Variants in ASB14 observed in about 807,000 individuals in gnomAD.
ASB14 encodes the protein ankyrin repeat and SOCS box containing 14, also known as ankyrin repeat and SOCS box protein 14.
Under a neutral mutation model 55.6 loss-of-function variants are expected in ASB14, and 63 were observed. The ratio of observed to expected loss-of-function variants is 1.13; its 90% confidence interval spans 0.92 to 1.40. The LOEUF (loss-of-function observed/expected upper bound fraction) is 1.40, where lower values mean the gene tolerates loss of function less well. Ranked by LOEUF, ASB14 falls within the 40% of genes most tolerant of loss-of-function variation. The pLI, the probability that ASB14 is intolerant of heterozygous loss-of-function variation, is 0.00. For synonymous variants in ASB14, 256 were observed against 259.9 expected (o/e 0.98, Z 0.15); for missense variants, 724 against 710.4 (o/e 1.02, Z -0.22).
Position 57,289,050 on chromosome 3 carries a change from G to A in ASB14, c.178+18C>T, listed in dbSNP as rs1379203857. 1.3e-6 allele frequency: 2 copies of A among 1,487,422 alleles called. No homozygotes were observed. The allele number at this position is 1,487,422 out of a possible 1,614,324, so 92.1% of individuals were successfully genotyped here. On this transcript the variant is annotated intron_variant, in intron 3 of 10. Coordinates refer to ENST00000487349, the MANE Select transcript of ASB14 (RefSeq NM_001142733.3). ...CCGTCACATCTTACCACAAGTTAAA[G>A]GGGATAGGAGTACTTAACTTTCTCT...
At position 57,292,039 on chromosome 3, in the gene ASB14, A is replaced by C; in HGVS notation, c.-6T>G. ...TCGCTGGTGTAATTATCCATGTGAA[A>C]CGTGGACAGGTTTACTTTAAAGTCA... On this transcript the variant is annotated 5_prime_UTR_variant, in exon 2 of 11. Transcript: ENST00000487349. 1 of 1,534,530 alleles carries C rather than the reference A, an allele frequency of 6.5e-7. No individual in the cohort carries two copies. The highest frequency in any genetic ancestry group is 8.7e-7 in the Non-Finnish European group (1 of 1,144,850).
Position 57,278,399 on chromosome 3 carries a change from G to C in ASB14, c.1409C>G (p.Ser470Cys), listed in dbSNP as rs761012773. ...TACCTTAGTATCTTTGATAACTGTA[G>C]ATGTCCAGCCTTCAACAGTATAGGA... is the stretch of plus-strand genomic sequence containing the variant. Reference protein sequence around the residue: ...HPSYTVEGWTSTVIKDTKFCE... With the variant: ...HPSYTVEGWTCTVIKDTKFCE... The change falls in exon 8 of 11, where the codon TCT becomes TGT. Residue 470 changes from serine (S) to cysteine (C), a missense_variant. Transcript: ENST00000487349. The C allele has an allele frequency of 6.2e-7, 1 of 1,613,832 alleles. No homozygotes were observed. Among genetic ancestry groups the C allele is most frequent in the Non-Finnish European group, 8.5e-7 (1 of 1,179,754 alleles).
chr3:57,271,459 T>C (rs2060939383), intron 10 of ASB14: 1 of 152,502 alleles, frequency 6.6e-6, no homozygotes, highest in Non-Finnish European at 1.5e-5. Context: ...TTTGTTAAAG[T>C]TGGAATTTAT....
chr3:57,274,350 T>C (rs2060970231), intron 10 of ASB14, among the ~76,000 whole-genome samples: 1 of 152,224 alleles, frequency 6.6e-6, no homozygotes, highest in Admixed American at 6.5e-5. Flanking sequence ...TGAATGAATG[T>C]CTTTTTCAGT....
At position 57,279,274 on chromosome 3, in the gene ASB14, T is replaced by A. The variant is rs896120901; in HGVS notation, c.888-354A>T. Among the ~76,000 whole-genome samples, 87 of 138,640 alleles carry A rather than the reference T, an allele frequency of 6.3e-4. 1 individual carries two copies. Among genetic ancestry groups the A allele is most frequent in the East Asian group, 3.3e-3 (16 of 4,836 alleles). 91.0% of individuals were successfully genotyped at this position (138,640 alleles called of 152,430 possible). The stretch of plus-strand genomic sequence containing the variant: ...TGGTCAAGAGTTTTTCTTTTTTTTT[T>A]TTTTTTTTTTTTTTTTTTGAGACGG... On this transcript the variant is annotated intron_variant, in intron 7 of 10. Transcript: ENST00000487349.
chr3:57,291,792 T>C, intron 2 of ASB14, 120 bp downstream of exon 2: 1 of 794,398 alleles, frequency 1.3e-6, no homozygotes, highest in African/African-American at 1.8e-5. Flanking sequence ...GATATTTAAT[T>C]GACAGCTCCT....
intron 6 of ASB14, 70 bp downstream of exon 6, chr3:57,283,124 C>T: frequency 6.7e-7 from 1 of 1,503,378 alleles, no homozygotes; most frequent in East Asian, 2.5e-5. Context: ...TTTTGAAGCT[C>T]TCCATTAAGA....
At chr3:57,276,757 A>AG in intron 9 of ASB14, 29 bp from the exon 10 acceptor site, 1 of 1,576,084 alleles carries the variant, frequency 6.3e-7, no homozygotes, top group South Asian at 1.2e-5. Flanking sequence ...TTATCCAAAG[A>AG]GAAAAAGAAC....
At chr3:57,271,270 A>G (rs1373949956) in intron 10 of ASB14, 1 of 152,586 alleles carries the variant, frequency 6.6e-6, no homozygotes, top group Non-Finnish European at 1.5e-5. Context: ...ATAATGATAT[A>G]TAGGATCATG....
At chr3:57,284,382 A>G (rs1010343645) in intron 5 of ASB14, among the ~76,000 whole-genome samples, 1 of 152,168 alleles carries the variant, frequency 6.6e-6, no homozygotes, top group Admixed American at 6.5e-5. Context: ...TTCCTGCCTC[A>G]GCCTCCCAAA....
In ASB14 at chr3:57,278,889, G is replaced by C. The variant is rs781778401; in HGVS notation, c.919C>G (p.Leu307Val). The C allele has an allele frequency of 1.2e-6, 2 of 1,613,442 alleles. No homozygotes were observed. The highest frequency in any genetic ancestry group is 1.7e-6 in the Non-Finnish European group (2 of 1,179,860). Residue 307 changes from leucine (L) to valine (V), a missense_variant, in exon 8 of 11, where the codon CTT becomes GTT. By Grantham distance (32) the Leu-to-Val change is conservative. Transcript: ENST00000487349. ...ALKILIPVTD[L>V]AAIKQSGISP... ...ATCCCACTCTGCTTAATGGCAGCAA[G>C]ATCCGTAACTGGAATCAGTATCTTT...
At position 57,277,997 on chromosome 3, in the gene ASB14, G is replaced by T; in HGVS notation, c.1432-77C>A. Reference sequence around the variant, plus strand: ...CTATGGTTTAGCATAGTAGTCAAAGGAGATGTGGTGTGATGAAAGCCAAGA... The same window carrying T: ...CTATGGTTTAGCATAGTAGTCAAAGTAGATGTGGTGTGATGAAAGCCAAGA... On this transcript the variant is annotated intron_variant, in intron 8 of 10. Coordinates refer to ENST00000487349, the MANE Select transcript of ASB14 (RefSeq NM_001142733.3). 4.5e-6 allele frequency: 6 copies of T among 1,335,876 alleles called. 2 individuals are homozygous for T. The South Asian group carries it at 7.2e-5, about 16-fold the overall frequency. The allele number at this position is 1,335,876 out of a possible 1,614,324, so 82.8% of individuals were successfully genotyped here.
chr3:57,286,411 C>T (rs574921569), intron 5 of ASB14, among the ~76,000 whole-genome samples: 1 of 140,908 alleles, frequency 7.1e-6, no homozygotes, highest in East Asian at 1.9e-4. Context: ...CTACATGTTA[C>T]ATTTTAAAGA....
chr3:57,272,103 C>T (rs1431152786), intron 10 of ASB14: 2 of 152,152 alleles, frequency 1.3e-5, no homozygotes, highest in Admixed American at 6.5e-5. Flanking sequence ...TTCAGACTTA[C>T]ACTTAATGGT....
At chr3:57,280,644 A>G (rs1464106346) in intron 6 of ASB14, among the ~76,000 whole-genome samples, 171 bp from the exon 7 acceptor site, 2 of 152,234 alleles carry the variant, frequency 1.3e-5, no homozygotes, top group Non-Finnish European at 2.9e-5. Flanking sequence ...AGTAACTTAT[A>G]AACTAGTTGG....
chr3:57,273,412 TAGA>T (rs916015914), intron 10 of ASB14: 2 of 152,650 alleles, frequency 1.3e-5, no homozygotes, highest in East Asian at 1.9e-4. Context: ...AAAAAGTTGT[TAGA>T]AGATTTTTTA....
chr3:57,288,846 C>T (rs2061103431), intron 3 of ASB14: 1 of 366,348 alleles, frequency 2.7e-6, no homozygotes, highest in East Asian at 6.0e-5. Flanking sequence ...TCCCGAGTAG[C>T]TGGGATTACA....
chr3:57,278,216 C>A (rs866819493), intron 8 of ASB14, among the ~76,000 whole-genome samples, 161 bp downstream of exon 8: 1 of 152,224 alleles, frequency 6.6e-6, no homozygotes, highest in African/African-American at 2.4e-5. Flanking sequence ...TATCTTTCTA[C>A]TATTGTGTTT....
At chr3:57,286,274 CT>C (rs541957246) in intron 5 of ASB14, among the ~76,000 whole-genome samples, 137 of 138,508 alleles carry the variant, frequency 9.9e-4, no homozygotes, top group East Asian at 2.5e-3. Flanking sequence ...AGTGACTTGT[CT>C]TTTTTTTTTT....
Sources: gnomAD v4.1 joint callset for allele counts (sites outside exome capture counted in the v4.1 genomes callset) on GRCh38, gnomAD v4.1.1 for gene constraint, MANE v1.5 for transcripts, NCBI Gene and HGNC (gene_info 2026-07-23, HGNC 2026-07-21) for gene names.